ADGRB3: variants seen among roughly 807,000 people sequenced by gnomAD.
ADGRB3 encodes adhesion G protein-coupled receptor B3.
ADGRB3 carries 37 observed loss-of-function variants against 193.4 expected under a neutral mutation model. That is an observed-to-expected ratio of 0.19 (90% CI 0.15 to 0.25). The LOEUF is 0.25. ADGRB3 is among the 10% of genes least tolerant of loss of function. The pLI is 1.00. For synonymous variants in ADGRB3, 690 were observed against 644.2 expected (o/e 1.07, Z -1.08); for missense variants, 1,637 against 1,852.9 (o/e 0.88, Z 2.14).
At chr6:69,224,600 A>G (rs773848744) in intron 17 of ADGRB3, among the ~76,000 whole-genome samples, 1 of 152,202 alleles carries the variant, frequency 6.6e-6, no homozygotes, top group Non-Finnish European at 1.5e-5. Context: ...ACACCCAAGA[A>G]CAACCTTGGA....
At chr6:69,243,514 T>A (rs1202501532) in intron 20 of ADGRB3, among the ~76,000 whole-genome samples, 1 of 151,858 alleles carries the variant, frequency 6.6e-6, no homozygotes, top group Non-Finnish European at 1.5e-5. Flanking sequence ...CTAAAAGATA[T>A]GGGATATAGG....
chr6:68,787,823 A>C (rs2127364763), intron 3 of ADGRB3, among the ~76,000 whole-genome samples: 1 of 152,216 alleles, frequency 6.6e-6, no homozygotes, highest in African/African-American at 2.4e-5. Flanking sequence ...TTATTGCCTC[A>C]ATTTCAGAGC....
intron 3 of ADGRB3, among the ~76,000 whole-genome samples, chr6:68,677,693 GT>G (rs1285784507): frequency 6.6e-6 from 1 of 151,446 alleles, no homozygotes; most frequent in African/African-American, 2.4e-5. Flanking sequence ...AATTTTTGTA[GT>G]TTTTGGCAGA....
chr6:68,864,459 GAA>G (rs1353685675), intron 3 of ADGRB3, among the ~76,000 whole-genome samples: 1 of 152,142 alleles, frequency 6.6e-6, no homozygotes, highest in Non-Finnish European at 1.5e-5. Flanking sequence ...CTTAAAGGAA[GAA>G]GTGTAGTTTT....
chr6:69,144,956 G>A (rs1586042), intron 17 of ADGRB3, among the ~76,000 whole-genome samples: 96,470 of 148,050 alleles, frequency 0.65, 32,072 homozygotes, highest in East Asian at 0.95. Context: ...TTTTGCTATC[G>A]GGGTAATCTG....
At chr6:68,801,070 T>C (rs1419515894) in intron 3 of ADGRB3, among the ~76,000 whole-genome samples, 1 of 152,234 alleles carries the variant, frequency 6.6e-6, no homozygotes, top group Non-Finnish European at 1.5e-5. Flanking sequence ...CATTGGCCTA[T>C]GTTTGTAGGC....
intron 3 of ADGRB3, among the ~76,000 whole-genome samples, chr6:68,800,019 A>C (rs1582211875): frequency 1.3e-5 from 2 of 152,156 alleles, no homozygotes; most frequent in South Asian, 4.1e-4. Context: ...TTTTTAAAAG[A>C]TCATGCTGTC....
intron 15 of ADGRB3, among the ~76,000 whole-genome samples, chr6:69,054,273 A>G (rs932807688): frequency 6.6e-6 from 1 of 152,208 alleles, no homozygotes; most frequent in African/African-American, 2.4e-5. Context: ...CCTAATTAAG[A>G]TAAATGAGGC....
chr6:69,037,645 TTCTCTCTC>T (rs377348716), intron 13 of ADGRB3, among the ~76,000 whole-genome samples: 2 of 149,518 alleles, frequency 1.3e-5, no homozygotes, highest in Admixed American at 1.3e-4. Context: ...GGTGTTGTTG[TTCTCTCTC>T]TCTCTCTCTC....
chr6:68,975,056 G>A (rs1768703287), intron 9 of ADGRB3, among the ~76,000 whole-genome samples, 178 bp from the exon 10 acceptor site: 1 of 152,162 alleles, frequency 6.6e-6, no homozygotes. Flanking sequence ...TATTGCTGGT[G>A]TAATTGTTTC....
At chr6:69,129,255 A>G (rs575681268) in intron 17 of ADGRB3, among the ~76,000 whole-genome samples, 2 of 152,186 alleles carry the variant, frequency 1.3e-5, no homozygotes, top group African/African-American at 2.4e-5. Flanking sequence ...ACTAGTAGAG[A>G]GAAGGAATTC....
intron 17 of ADGRB3, chr6:69,232,694 C>A: frequency 7.4e-7 from 1 of 1,357,678 alleles, no homozygotes; most frequent in Non-Finnish European, 1.0e-6. Flanking sequence ...CAGCTGATGC[C>A]GCTGCTGCTG....
intron 12 of ADGRB3, among the ~76,000 whole-genome samples, chr6:69,015,885 C>T (rs1770075361): frequency 6.6e-6 from 1 of 151,820 alleles, no homozygotes; most frequent in Non-Finnish European, 1.5e-5. Flanking sequence ...ACTTTACACC[C>T]TACCCATATG....
At chr6:68,774,310 T>C (rs768221087) in intron 3 of ADGRB3, among the ~76,000 whole-genome samples, 8 of 151,552 alleles carry the variant, frequency 5.3e-5, no homozygotes, top group Non-Finnish European at 1.0e-4. Context: ...ATTTTAATAA[T>C]CTATTTTATG....
chr6:69,213,623 C>T (rs1419536829), intron 17 of ADGRB3, among the ~76,000 whole-genome samples: 1 of 152,126 alleles, frequency 6.6e-6, no homozygotes, highest in Non-Finnish European at 1.5e-5. Context: ...ACAGACAGTA[C>T]AACATGCGTT....
intron 11 of ADGRB3, among the ~76,000 whole-genome samples, chr6:68,994,175 G>T (rs1769320572): frequency 6.6e-6 from 1 of 152,066 alleles, no homozygotes; most frequent in South Asian, 2.1e-4. Context: ...TACACCTCAA[G>T]GAGATACTGA....
chr6:69,057,093 A>G (rs867970890), intron 15 of ADGRB3, among the ~76,000 whole-genome samples: 1 of 151,858 alleles, frequency 6.6e-6, no homozygotes. Flanking sequence ...AATGTTTTAT[A>G]GTTTTCAATG....
At chr6:69,163,562 G>T (rs1298976275) in intron 17 of ADGRB3, among the ~76,000 whole-genome samples, 1 of 152,072 alleles carries the variant, frequency 6.6e-6, no homozygotes, top group African/African-American at 2.4e-5. Flanking sequence ...ATGCTAATCA[G>T]TTCAGATAGG....
At chr6:69,368,318 CAA>C (rs1329333105) in intron 29 of ADGRB3, among the ~76,000 whole-genome samples, 1 of 151,998 alleles carries the variant, frequency 6.6e-6, no homozygotes, top group Non-Finnish European at 1.5e-5. Flanking sequence ...GTAATCCAGA[CAA>C]GAGATAACAG....
Sources: gnomAD v4.1 joint callset for allele counts (sites outside exome capture counted in the v4.1 genomes callset) on GRCh38, gnomAD v4.1.1 for gene constraint, MANE v1.5 for transcripts, NCBI Gene and HGNC (gene_info 2026-07-23, HGNC 2026-07-21) for gene names.